Variants in TMEM38B observed in about 807,000 individuals in gnomAD.
TMEM38B encodes the protein trimeric intracellular cation channel type B.
TMEM38B carries 24 observed loss-of-function variants against 28.7 expected under a neutral mutation model. That is an observed-to-expected ratio of 0.84 (90% CI 0.61 to 1.18). The LOEUF is 1.18. TMEM38B is among the 50% of genes most tolerant of loss of function. The pLI is 0.00. For synonymous variants in TMEM38B, 131 were observed against 127.7 expected, an observed-to-expected ratio of 1.03 and a Z score of -0.17; for missense variants, 380 against 350.9, an observed-to-expected ratio of 1.08 and a Z score of -0.66.
intron 4 of TMEM38B, among the ~76,000 whole-genome samples, chr9:105,729,544 G>A (rs906467413): frequency 1.3e-5 from 2 of 152,148 alleles, no homozygotes; most frequent in African/African-American, 2.4e-5. Flanking sequence ...TTTTTGCTTA[G>A]GGTTTTCTTG....
At chr9:105,728,270 G>A (rs1836597779) in intron 4 of TMEM38B, among the ~76,000 whole-genome samples, 2 of 149,824 alleles carry the variant, frequency 1.3e-5, no homozygotes, top group Non-Finnish European at 3.0e-5. Context: ...AAGCCCCCGT[G>A]TTTGATGTTC....
intron 5 of TMEM38B, among the ~76,000 whole-genome samples, chr9:105,767,778 C>T (rs1468662125): frequency 6.6e-6 from 1 of 152,134 alleles, no homozygotes; most frequent in Non-Finnish European, 1.5e-5. Flanking sequence ...TAATCTTACA[C>T]ATTGTTCTTG....
At chr9:105,772,670 T>G (rs1016056275) in intron 5 of TMEM38B, among the ~76,000 whole-genome samples, 2 of 152,132 alleles carry the variant, frequency 1.3e-5, no homozygotes, top group African/African-American at 4.8e-5. Flanking sequence ...AAAAATTTTT[T>G]TTTTAAAAAT....
intron 5 of TMEM38B, among the ~76,000 whole-genome samples, chr9:105,768,360 G>A (rs995561833): frequency 2.0e-5 from 3 of 151,976 alleles, no homozygotes; most frequent in South Asian, 2.1e-4. Context: ...TTTTTCCAGT[G>A]TGCTAATGGA....
intron 2 of TMEM38B, among the ~76,000 whole-genome samples, chr9:105,720,789 A>G (rs1296491841): frequency 1.3e-5 from 2 of 152,150 alleles, no homozygotes; most frequent in Non-Finnish European, 2.9e-5. Context: ...TATTTGGAGA[A>G]TGGAGAGAAA....
chr9:105,759,962 T>A, intron 5 of TMEM38B: 1 of 1,566,898 alleles, frequency 6.4e-7, no homozygotes, highest in Non-Finnish European at 8.8e-7. Context: ...CAAACAGCTA[T>A]GCAAAGTGAA....
chr9:105,733,165 A>G (rs1428307819), intron 4 of TMEM38B, among the ~76,000 whole-genome samples: 3 of 152,270 alleles, frequency 2.0e-5, no homozygotes, highest in East Asian at 1.9e-4. Flanking sequence ...TATGTGGTCA[A>G]TTTTAGAATA....
intron 3 of TMEM38B, among the ~76,000 whole-genome samples, 181 bp from the exon 4 acceptor site, chr9:105,722,353 G>A (rs1013345353): frequency 1.3e-5 from 2 of 152,116 alleles, no homozygotes; most frequent in Admixed American, 1.3e-4. Context: ...CTGGTGAAAG[G>A]GAAGAATTGC....
At position 105,699,208 on chromosome 9, in the gene TMEM38B, A is replaced by G. The variant is rs78441643; in HGVS notation, c.112+4436A>G. ...TTTATGTGGTCAGCATTCCTTTTTC[A>G]TAGTCAGAACTGAAGCTAATATGTG... On this transcript the variant is annotated intron_variant, in intron 1 of 5. Coordinates refer to ENST00000374692, the MANE Select transcript of TMEM38B (RefSeq NM_018112.3). Among the ~76,000 whole-genome samples, 172 of 152,148 alleles carry G rather than the reference A, an allele frequency of 1.1e-3. 1 individual carries two copies. The highest frequency in any genetic ancestry group is 3.9e-3 in the African/African-American group (160 of 41,510).
chr9:105,770,377 T>G (rs930248184), intron 5 of TMEM38B, among the ~76,000 whole-genome samples: 11 of 152,162 alleles, frequency 7.2e-5, no homozygotes, highest in African/African-American at 2.7e-4. Context: ...GTTGACTGAC[T>G]AATAAATGAT....
intron 4 of TMEM38B, among the ~76,000 whole-genome samples, chr9:105,732,562 G>A (rs898092447): frequency 2.0e-5 from 3 of 152,114 alleles, no homozygotes; most frequent in African/African-American, 7.2e-5. Flanking sequence ...TTATTAAATA[G>A]GGAATCCTTT....
chr9:105,749,166 A>G lies in TMEM38B; in HGVS notation c.660+976A>G, dbSNP rs373090187. 101 of 1,227,490 alleles carry G rather than the reference A, an allele frequency of 8.2e-5. No homozygotes were observed. The African/African-American group carries it at 1.1e-3, about 14-fold the overall frequency. The allele number at this position is 1,227,490 out of a possible 1,614,324, so 76.0% of individuals were successfully genotyped here. A position where few individuals can be genotyped will look rare whatever the true frequency, so the allele number is the denominator to read the frequency against. ...ACATGTAGTCTCTTCCAGTCCTCAA[A>G]TGTTGAGCCGTGTATATTTTTTTCT... On this transcript the variant is annotated intron_variant, in intron 5 of 5. Transcript: ENST00000374692.
At chr9:105,715,987 C>G (rs747446684) in intron 2 of TMEM38B, among the ~76,000 whole-genome samples, 37 of 152,136 alleles carry the variant, frequency 2.4e-4, no homozygotes, top group South Asian at 2.1e-4. Flanking sequence ...CTTTCATAAA[C>G]TTGCAGAATG....
chr9:105,720,640 T>C (rs1836280877), intron 2 of TMEM38B, among the ~76,000 whole-genome samples: 1 of 152,146 alleles, frequency 6.6e-6, no homozygotes, highest in African/African-American at 2.4e-5. Flanking sequence ...TGAAGAATTC[T>C]GACTTTATAA....
At chr9:105,700,220 C>T (rs982799971) in intron 1 of TMEM38B, among the ~76,000 whole-genome samples, 6 of 152,100 alleles carry the variant, frequency 3.9e-5, no homozygotes, top group African/African-American at 9.7e-5. Context: ...TTTAGGATAC[C>T]GCCATGAAAG....
intron 5 of TMEM38B, among the ~76,000 whole-genome samples, chr9:105,749,502 C>T (rs181031601): frequency 2.0e-5 from 3 of 152,126 alleles, no homozygotes; most frequent in South Asian, 4.1e-4. Flanking sequence ...CATCTGGCCC[C>T]GCCCTTGTAC....
At chr9:105,702,534 G>C (rs1588384996) in intron 1 of TMEM38B, among the ~76,000 whole-genome samples, 1 of 152,262 alleles carries the variant, frequency 6.6e-6, no homozygotes, top group East Asian at 1.9e-4. Flanking sequence ...ATAACTGTAA[G>C]TTCATAAAAC....
chr9:105,720,308 AC>A (rs1175044970), intron 2 of TMEM38B, among the ~76,000 whole-genome samples: 1 of 151,564 alleles, frequency 6.6e-6, no homozygotes, highest in African/African-American at 2.4e-5. Context: ...TCATCTAAGA[AC>A]TATTGTAGTT....
intron 4 of TMEM38B, among the ~76,000 whole-genome samples, chr9:105,736,829 T>A (rs1837000166): frequency 6.6e-6 from 1 of 152,232 alleles, no homozygotes; most frequent in South Asian, 2.1e-4. Flanking sequence ...GTGGGCACAC[T>A]GGTGTAGTTT....
Sources: allele counts gnomAD v4.1 joint callset (sites outside exome capture counted in the v4.1 genomes callset), GRCh38; gene constraint gnomAD v4.1.1; transcripts MANE v1.5; gene names NCBI Gene and HGNC (gene_info 2026-07-23, HGNC 2026-07-21).